The following CAMKMT variants were observed in gnomAD, a reference collection of about 807,000 sequenced individuals.
CAMKMT encodes CaM KMT.
Under a neutral mutation model 48.0 loss-of-function variants are expected in CAMKMT, and 53 were observed. The observed-to-expected ratio is 1.10, with a 90% CI of 0.89 to 1.39. CAMKMT has a LOEUF of 1.39. Among genes scored for constraint, CAMKMT ranks in the 40% most tolerant of loss-of-function variants. CAMKMT has a pLI of 0.00. For missense variants in CAMKMT, 428 were observed against 402.7 expected, an observed-to-expected ratio of 1.06 and a Z score of -0.54; for synonymous variants, 165 against 152.3, an observed-to-expected ratio of 1.08 and a Z score of -0.61.
chr2:44,496,435 C>T (rs573805063), intron 3 of CAMKMT, among the ~76,000 whole-genome samples: 12 of 152,316 alleles, frequency 7.9e-5, no homozygotes, highest in Non-Finnish European at 1.6e-4. Flanking sequence ...TAGAGCTCTG[C>T]AGAGTATTGC....
At position 44,362,010 on chromosome 2, in the gene CAMKMT, G is replaced by GGAGTCGC. The variant is rs1677896743; in HGVS notation, c.12_18dup (p.Asp7SerfsTer51). 1 of 1,409,554 alleles carries GGAGTCGC rather than the reference G, an allele frequency of 7.1e-7. No individual in the cohort carries two copies. The highest frequency in any genetic ancestry group is 1.5e-5 in the African/African-American group (1 of 66,018). 87.3% of individuals were successfully genotyped at this position (1,409,554 alleles called of 1,614,324 possible). ...CGGGTGTGGAAGGCTCCAGTGAGAT[G>GGAGTCGC]GAGTCGCGAGTCGCGGACGCTGGGA... is the stretch of plus-strand genomic sequence containing the variant. On this transcript the variant is annotated frameshift_variant, in exon 1 of 11. Transcript: ENST00000378494. LOFTEE classifies it high-confidence loss of function.
chr2:44,704,532 A>C (rs1350415066), intron 4 of CAMKMT, among the ~76,000 whole-genome samples, 189 bp downstream of exon 4: 2 of 152,178 alleles, frequency 1.3e-5, no homozygotes, highest in African/African-American at 4.8e-5. Context: ...TCTCAAGTGA[A>C]ATCTGAATTG....
chr2:44,397,576 T>C (rs947926567), intron 3 of CAMKMT, among the ~76,000 whole-genome samples: 1 of 152,194 alleles, frequency 6.6e-6, no homozygotes, highest in Admixed American at 6.5e-5. Context: ...GACGGTTTTT[T>C]CTTTTGGCTC....
intron 3 of CAMKMT, among the ~76,000 whole-genome samples, chr2:44,434,841 A>C (rs999992239): frequency 6.6e-6 from 1 of 152,212 alleles, no homozygotes; most frequent in Non-Finnish European, 1.5e-5. Context: ...TAGACTGCTA[A>C]TTTACTGTTT....
chr2:44,664,664 T>G (rs1382320258), intron 3 of CAMKMT, among the ~76,000 whole-genome samples: 1 of 152,172 alleles, frequency 6.6e-6, no homozygotes, highest in Admixed American at 6.5e-5. Flanking sequence ...AATGTAAAGA[T>G]AAAAGTAAAG....
chr2:44,721,076 C>A (rs1210173222), intron 7 of CAMKMT, among the ~76,000 whole-genome samples: 1 of 152,124 alleles, frequency 6.6e-6, no homozygotes, highest in Non-Finnish European at 1.5e-5. Flanking sequence ...TCCAAACAAA[C>A]AATCACATCA....
At chr2:44,472,997 T>C (rs1668502910) in intron 3 of CAMKMT, among the ~76,000 whole-genome samples, 1 of 152,224 alleles carries the variant, frequency 6.6e-6, no homozygotes, top group Admixed American at 6.5e-5. Flanking sequence ...AGAGGAAAGA[T>C]AGTGAAGCAG....
intron 8 of CAMKMT, among the ~76,000 whole-genome samples, chr2:44,751,966 C>T (rs889973372): frequency 3.3e-5 from 5 of 152,086 alleles, no homozygotes; most frequent in Admixed American, 6.5e-5. Context: ...GAGCTCATTA[C>T]CACGGGGAGT....
chr2:44,371,215 C>T (rs1188364402), intron 1 of CAMKMT, among the ~76,000 whole-genome samples: 2 of 152,124 alleles, frequency 1.3e-5, no homozygotes, highest in Non-Finnish European at 2.9e-5. Flanking sequence ...AAACTCCTGA[C>T]CTCTGGTGAT....
chr2:44,527,628 G>A (rs1364214930), intron 3 of CAMKMT, among the ~76,000 whole-genome samples: 2 of 151,436 alleles, frequency 1.3e-5, no homozygotes, highest in Non-Finnish European at 1.5e-5. Context: ...TTAAGAAGCA[G>A]CAGTGTTCTG....
chr2:44,517,814 C>A (rs1181583272), intron 3 of CAMKMT, among the ~76,000 whole-genome samples: 1 of 152,184 alleles, frequency 6.6e-6, no homozygotes, highest in Non-Finnish European at 1.5e-5. Context: ...ACACCTATTA[C>A]TGAGTTGAAA....
chr2:44,443,771 T>C (rs889871793), intron 3 of CAMKMT, among the ~76,000 whole-genome samples: 6 of 152,208 alleles, frequency 3.9e-5, no homozygotes, highest in Non-Finnish European at 7.3e-5. Flanking sequence ...TACTGAATTG[T>C]AACATGAAAA....
intron 9 of CAMKMT, among the ~76,000 whole-genome samples, chr2:44,765,265 A>G (rs1680789424): frequency 6.6e-6 from 1 of 152,036 alleles, no homozygotes; most frequent in Non-Finnish European, 1.5e-5. Context: ...GTTTATATGA[A>G]TGCCTAGCCC....
chr2:44,504,434 T>A (rs186831301), intron 3 of CAMKMT, among the ~76,000 whole-genome samples: 1 of 152,186 alleles, frequency 6.6e-6, no homozygotes, highest in African/African-American at 2.4e-5. Context: ...ATAATTGGCT[T>A]ACCTTATGAT....
chr2:44,424,909 T>A (rs1684181649), intron 3 of CAMKMT, among the ~76,000 whole-genome samples: 1 of 152,014 alleles, frequency 6.6e-6, no homozygotes, highest in African/African-American at 2.4e-5. Context: ...CAATAACTTA[T>A]AGAAATAAAA....
chr2:44,699,942 G>C (rs1035315739), intron 3 of CAMKMT, among the ~76,000 whole-genome samples: 6 of 152,210 alleles, frequency 3.9e-5, no homozygotes, highest in African/African-American at 1.4e-4. Context: ...GATGGCATCT[G>C]CTTCCAATGG....
At chr2:44,609,697 CA>C (rs1370904753) in intron 3 of CAMKMT, among the ~76,000 whole-genome samples, 1 of 152,162 alleles carries the variant, frequency 6.6e-6, no homozygotes, top group East Asian at 1.9e-4. Flanking sequence ...CTGATGAACT[CA>C]TTCTCTCCTC....
intron 3 of CAMKMT, among the ~76,000 whole-genome samples, chr2:44,629,424 T>A (rs1045920843): frequency 6.8e-6 from 1 of 147,982 alleles, no homozygotes; most frequent in African/African-American, 2.6e-5. Context: ...TGCATTTCTT[T>A]CTTTCTTTCT....
intron 3 of CAMKMT, among the ~76,000 whole-genome samples, chr2:44,543,251 T>C (rs1667228214): frequency 6.6e-6 from 1 of 152,206 alleles, no homozygotes; most frequent in Non-Finnish European, 1.5e-5. Flanking sequence ...GTGTAAATAG[T>C]GGCTCATTTA....
Sources: gnomAD v4.1 joint callset for allele counts (sites outside exome capture counted in the v4.1 genomes callset) on GRCh38, gnomAD v4.1.1 for gene constraint, MANE v1.5 for transcripts, NCBI Gene and HGNC (gene_info 2026-07-23, HGNC 2026-07-21) for gene names.